The following PPCDC variants were observed in gnomAD, a reference collection of about 807,000 sequenced individuals.
PPCDC encodes the protein phosphopantothenoylcysteine decarboxylase.
Under a neutral mutation model 20.7 loss-of-function variants are expected in PPCDC, and 20 were observed. That is an observed-to-expected ratio of 0.97 (90% CI 0.68 to 1.41). The LOEUF (loss-of-function observed/expected upper bound fraction) is 1.41. Among genes scored for constraint, PPCDC ranks in the 40% most tolerant of loss-of-function variants. The pLI, the probability that PPCDC is intolerant of heterozygous loss-of-function variation, is 0.00. For synonymous variants in PPCDC, 88 were observed against 100.3 expected (o/e 0.88, Z 0.73); for missense variants, 246 against 263.8 (o/e 0.93, Z 0.47).
chr15:75,031,784 T>A (rs774212415), intron 2 of PPCDC, among the ~76,000 whole-genome samples: 1 of 151,942 alleles, frequency 6.6e-6, no homozygotes, highest in Non-Finnish European at 1.5e-5. Flanking sequence ...TACCACAAAA[T>A]ATGAGATTCC....
intron 2 of PPCDC, among the ~76,000 whole-genome samples, chr15:75,035,703 A>G (rs2066076386): frequency 6.6e-6 from 1 of 152,210 alleles, no homozygotes; most frequent in Non-Finnish European, 1.5e-5. Context: ...GTGGTGGTTC[A>G]CACCTGTAAT....
intron 1 of PPCDC, among the ~76,000 whole-genome samples, chr15:75,027,188 G>A (rs991616711): frequency 7.2e-5 from 11 of 152,158 alleles, no homozygotes; most frequent in African/African-American, 2.7e-4. Context: ...TCAGACAGGT[G>A]TCATTCCTGT....
At chr15:75,031,257 G>A (rs1042541732) in intron 2 of PPCDC, among the ~76,000 whole-genome samples, 10 of 152,238 alleles carry the variant, frequency 6.6e-5, no homozygotes, top group African/African-American at 2.2e-4. Flanking sequence ...TCAGGATGCC[G>A]GGGGTTTTGT....
intron 4 of PPCDC, among the ~76,000 whole-genome samples, chr15:75,047,979 C>A (rs561273340): frequency 6.6e-6 from 1 of 152,108 alleles, no homozygotes; most frequent in East Asian, 1.9e-4. Context: ...CTGGGTGGTG[C>A]CCATTGTCCG....
chr15:75,030,029 G>T (rs1490749702), intron 2 of PPCDC, among the ~76,000 whole-genome samples: 3 of 152,158 alleles, frequency 2.0e-5, no homozygotes, highest in Admixed American at 2.0e-4. Context: ...GCCCACCCCA[G>T]GGCCTTTTAG....
At chr15:75,027,249 A>G (rs1482463746) in intron 1 of PPCDC, among the ~76,000 whole-genome samples, 1 of 152,104 alleles carries the variant, frequency 6.6e-6, no homozygotes, top group Non-Finnish European at 1.5e-5. Flanking sequence ...TGTGTTTTCC[A>G]CAATTCCTTT....
intron 4 of PPCDC, chr15:75,044,752 C>T: frequency 2.1e-6 from 1 of 482,538 alleles, no homozygotes. Context: ...GTGTCCCCCT[C>T]TCCCCTGCCC....
chr15:75,027,415 C>G lies in PPCDC; in HGVS notation c.-72-832C>G, dbSNP rs549199901. Among the ~76,000 whole-genome samples the G allele has an allele frequency of 8.5e-5, 13 of 152,260 alleles. No individual in the cohort carries two copies. The East Asian group carries it at 2.5e-3, about 29-fold the overall frequency. Reference sequence around the variant, plus strand: ...CTGAGAGCCAGAGGAAGAAGCAAACCAGCTAATCTCCTGGGGTGGCCTGCA... The same window carrying G: ...CTGAGAGCCAGAGGAAGAAGCAAACGAGCTAATCTCCTGGGGTGGCCTGCA... On this transcript the variant is annotated intron_variant, in intron 1 of 5. Coordinates refer to ENST00000342932, the MANE Select transcript of PPCDC (RefSeq NM_021823.5).
intron 4 of PPCDC, among the ~76,000 whole-genome samples, chr15:75,047,576 C>T (rs769414386): frequency 6.6e-6 from 1 of 152,192 alleles, no homozygotes; most frequent in Non-Finnish European, 1.5e-5. Context: ...CTCTCTCCCC[C>T]AGGCGGCCCC....
At chr15:75,036,605 G>T (rs541547249) in intron 2 of PPCDC, among the ~76,000 whole-genome samples, 1 of 152,116 alleles carries the variant, frequency 6.6e-6, no homozygotes, top group Non-Finnish European at 1.5e-5. Flanking sequence ...GAGCCTCTGA[G>T]AGGTTAGGCA....
intron 2 of PPCDC, among the ~76,000 whole-genome samples, chr15:75,040,071 A>G (rs2415255): frequency 0.32 from 47,961 of 151,192 alleles, 8,832 homozygotes; most frequent in South Asian, 0.59. Flanking sequence ...GTGAGACACC[A>G]TGCCCAGCCG....
At chr15:75,037,326 C>G (rs2066097511) in intron 2 of PPCDC, among the ~76,000 whole-genome samples, 2 of 152,146 alleles carry the variant, frequency 1.3e-5, no homozygotes, top group Non-Finnish European at 2.9e-5. Context: ...CCAGAGCCCC[C>G]CAGGGTGAGC....
intron 2 of PPCDC, among the ~76,000 whole-genome samples, chr15:75,031,433 C>T (rs1258943346): frequency 6.6e-6 from 1 of 152,108 alleles, no homozygotes; most frequent in Admixed American, 6.5e-5. Flanking sequence ...GACTTATAAA[C>T]AAAATTAACA....
chr15:75,048,863 C>G (rs770358322), intron 5 of PPCDC, 142 bp downstream of exon 5: 1 of 1,201,944 alleles, frequency 8.3e-7, no homozygotes, highest in Non-Finnish European at 1.1e-6. Flanking sequence ...AAATGGGAAT[C>G]GTAATTCCTG....
intron 4 of PPCDC, among the ~76,000 whole-genome samples, chr15:75,047,769 C>T (rs1161164226): frequency 1.3e-5 from 2 of 152,256 alleles, no homozygotes; most frequent in East Asian, 3.8e-4. Flanking sequence ...TCCAGGTTCT[C>T]ACAGCTAGTA....
chr15:75,044,283 G>T, intron 3 of PPCDC, 103 bp from the exon 4 acceptor site: 1 of 1,515,584 alleles, frequency 6.6e-7, no homozygotes, highest in Non-Finnish European at 9.0e-7. Context: ...CCTGGGCAGG[G>T]CAGGTCAGTG....
chr15:75,032,547 G>A (rs2066033221), intron 2 of PPCDC, among the ~76,000 whole-genome samples: 1 of 152,112 alleles, frequency 6.6e-6, no homozygotes, highest in Non-Finnish European at 1.5e-5. Flanking sequence ...AAGCAAAACT[G>A]GAAGCAAACA....
Sources: allele counts gnomAD v4.1 joint callset (sites outside exome capture counted in the v4.1 genomes callset), GRCh38; gene constraint gnomAD v4.1.1; transcripts MANE v1.5; gene names NCBI Gene and HGNC (gene_info 2026-07-23, HGNC 2026-07-21).